The following NADK variants were observed in gnomAD, a reference collection of about 807,000 sequenced individuals.
NADK encodes the protein poly(P)/ATP NAD kinase.
A neutral mutation model predicts 49.8 loss-of-function variants in NADK; 22 were observed. The observed-to-expected ratio is 0.44, with a 90% CI of 0.32 to 0.63. The LOEUF (loss-of-function observed/expected upper bound fraction) is 0.63. NADK is among the 30% of genes least tolerant of loss of function. NADK has a pLI of 0.06. For missense variants in NADK, 438 were observed against 609.4 expected, an observed-to-expected ratio of 0.72 and a Z score of 2.96; for synonymous variants, 268 against 253.7, an observed-to-expected ratio of 1.06 and a Z score of -0.54.
At chr1:1,753,910 G>C in intron 10 of NADK, 141 bp downstream of exon 10, 1 of 1,123,718 alleles carries the variant, frequency 8.9e-7, no homozygotes, top group Non-Finnish European at 1.3e-6. Flanking sequence ...TGCATCTGAG[G>C]GGGCACAGGA....
At chr1:1,765,997 G>A (rs1461705945) in intron 1 of NADK, among the ~76,000 whole-genome samples, 2 of 152,058 alleles carry the variant, frequency 1.3e-5, no homozygotes, top group Non-Finnish European at 2.9e-5. Context: ...GCCAGGTGTG[G>A]TGGCTCATGC....
intron 1 of NADK, among the ~76,000 whole-genome samples, chr1:1,770,748 T>C (rs1038390870): frequency 4.0e-5 from 6 of 151,512 alleles, no homozygotes; most frequent in Non-Finnish European, 7.4e-5. Context: ...ATAATAATAA[T>C]AACAACAATA....
intron 2 of NADK, 33 bp from the exon 3 acceptor site, chr1:1,762,068 G>A (rs766219562): frequency 7.6e-6 from 12 of 1,585,880 alleles, no homozygotes; most frequent in Non-Finnish European, 6.9e-6. Context: ...GAGCCACCAG[G>A]GCCTGAAACC....
At chr1:1,773,900 A>C (rs1336206782) in intron 1 of NADK, among the ~76,000 whole-genome samples, 1 of 151,862 alleles carries the variant, frequency 6.6e-6, no homozygotes, top group East Asian at 1.9e-4. Flanking sequence ...ATGTCCAGCT[A>C]ATTTTTAAAT....
chr1:1,752,514 G>A lies in NADK; in HGVS notation c.*390C>T, dbSNP rs1645356851. 6.0e-6 allele frequency: 1 copy of A among 165,612 alleles called. No homozygotes were observed. The highest frequency in any genetic ancestry group is 1.3e-5 in the Non-Finnish European group (1 of 76,972). The allele number at this position is 165,612 out of a possible 1,614,324, so 10.3% of individuals were successfully genotyped here. ...GGAAAAGCATGGCAGCTCAAGGAAGGTTTTTGGCTGAGACATTTATTATCA... is the reference window on the plus strand; with the variant it reads ...GGAAAAGCATGGCAGCTCAAGGAAGATTTTTGGCTGAGACATTTATTATCA... On this transcript the variant is annotated 3_prime_UTR_variant, in exon 12 of 12. Transcript: ENST00000341426.
chr1:1,778,327 C>A lies in NADK; in HGVS notation c.-79G>T, dbSNP rs1364601138. 3 of 151,178 alleles carry A rather than the reference C, an allele frequency of 2.0e-5. No homozygotes were observed. Among genetic ancestry groups the A allele is most frequent in the Admixed American group, 2.0e-4 (3 of 15,150 alleles). 9.4% of individuals were successfully genotyped at this position (151,178 alleles called of 1,614,324 possible). ...GGGCGCCTGCGGGGGCGTCTACATG[C>A]CGGACCGAGCCCGCAGGCCCCGCCG... On this transcript the variant is annotated 5_prime_UTR_variant, in exon 1 of 12. Transcript: ENST00000341426. This position sits in a 1 kb window ranked among gnomAD's most constrained non-coding sequence, Gnocchi z 4.9.
At chr1:1,773,691 T>C (rs866031574) in intron 1 of NADK, among the ~76,000 whole-genome samples, 66 of 89,028 alleles carry the variant, frequency 7.4e-4, no homozygotes, top group African/African-American at 2.1e-3. Flanking sequence ...TGTGTGTGTG[T>C]GTGTGTGTGT....
intron 10 of NADK, 87 bp from the exon 11 acceptor site, chr1:1,753,736 G>A (rs1348616532): frequency 6.4e-6 from 8 of 1,250,864 alleles, no homozygotes; most frequent in East Asian, 2.5e-5. Context: ...GCCAGAGGTC[G>A]AAGGTTGGGC....
chr1:1,757,149 C>CG, intron 4 of NADK, 32 bp downstream of exon 4: 3 of 1,007,244 alleles, frequency 3.0e-6, no homozygotes, highest in Non-Finnish European at 4.4e-6. Flanking sequence ...TCCATGTGCA[C>CG]CCCAGGCCCC....
Position 1,754,420 on chromosome 1 carries a change from G to A in NADK, c.844-37C>T, listed in dbSNP as rs919536423. 1.9e-6 allele frequency: 3 copies of A among 1,610,128 alleles called. No homozygotes were observed. Among genetic ancestry groups the A allele is most frequent in the Non-Finnish European group, 2.5e-6 (3 of 1,177,054 alleles). On this transcript the variant is annotated intron_variant, in intron 8 of 11. Coordinates refer to ENST00000341426, the MANE Select transcript of NADK (RefSeq NM_023018.5). The surrounding 1 kb of genome is among the most constrained non-coding windows in gnomAD (Gnocchi z 4.3). ...ACAGCATTGCACACTCAGGGCGGGG[G>A]ATGCCGCACGGCTCGCAGACACCCT...
chr1:1,754,791 C>T lies in NADK; in HGVS notation c.689-93G>A. The T allele has an allele frequency of 1.7e-6, 2 of 1,198,050 alleles. No individual in the cohort carries two copies. Among genetic ancestry groups the T allele is most frequent in the Non-Finnish European group, 2.3e-6 (2 of 856,440 alleles). The allele number at this position is 1,198,050 out of a possible 1,614,324, so 74.2% of individuals were successfully genotyped here. On this transcript the variant is annotated intron_variant, in intron 7 of 11. Coordinates refer to ENST00000341426, the MANE Select transcript of NADK (RefSeq NM_023018.5). The surrounding 1 kb of genome is among the most constrained non-coding windows in gnomAD (Gnocchi z 4.3). Reference sequence around the variant, plus strand: ...GGAGGCCAGTGGGAGTCAGAGGGCTCTTTCTTCTCCCAAGTTGACACACTT... The same window carrying T: ...GGAGGCCAGTGGGAGTCAGAGGGCTTTTTCTTCTCCCAAGTTGACACACTT...
chr1:1,758,191 G>T (rs1487859045), intron 3 of NADK, among the ~76,000 whole-genome samples: 4 of 152,186 alleles, frequency 2.6e-5, no homozygotes, highest in Non-Finnish European at 5.9e-5. Context: ...CTAGTTCCAA[G>T]TTGCCCAATC....
chr1:1,772,544 G>A (rs1053622573), intron 1 of NADK, among the ~76,000 whole-genome samples: 1 of 152,116 alleles, frequency 6.6e-6, no homozygotes, highest in African/African-American at 2.4e-5. Context: ...AGGCCGAGGC[G>A]GGAGGATCGC....
At chr1:1,776,774 A>T (rs972160253) in intron 1 of NADK, among the ~76,000 whole-genome samples, 10,347 of 44,166 alleles carry the variant, frequency 0.23, 527 homozygotes, top group Middle Eastern at 0.41. Flanking sequence ...CTCTGTCTTA[A>T]AAAAAAAAAA....
At chr1:1,756,783 A>C in intron 4 of NADK, 175 bp from the exon 5 acceptor site, 1 of 1,138,034 alleles carries the variant, frequency 8.8e-7, no homozygotes, top group Non-Finnish European at 1.3e-6. Flanking sequence ...CAGGACCTTT[A>C]AGAGATGACT....
intron 1 of NADK, among the ~76,000 whole-genome samples, chr1:1,775,644 G>A (rs897816506): frequency 1.3e-5 from 2 of 152,162 alleles, no homozygotes; most frequent in African/African-American, 2.4e-5. Context: ...CAGGGGTCTG[G>A]GCAGTTCTGA....
In NADK at chr1:1,752,206, C is replaced by G. The variant is rs1398204824; in HGVS notation, c.*698G>C. The stretch of plus-strand genomic sequence containing the variant: ...AGCACTTCAGAAAGTTTAAAAGAGT[C>G]TCTAAAAAGTATATACAGGATTTAA... On this transcript the variant is annotated 3_prime_UTR_variant, in exon 12 of 12. Coordinates refer to ENST00000341426, the MANE Select transcript of NADK (RefSeq NM_023018.5). 5.2e-5 allele frequency: 8 copies of G among 152,680 alleles called. No homozygotes were observed. The highest frequency in any genetic ancestry group is 1.4e-4 in the African/African-American group (6 of 41,464). The allele number at this position is 152,680 out of a possible 1,614,324, so 9.5% of individuals were successfully genotyped here.
chr1:1,762,242 T>G (rs1189474826), intron 2 of NADK, among the ~76,000 whole-genome samples: 1 of 152,218 alleles, frequency 6.6e-6, no homozygotes, highest in Non-Finnish European at 1.5e-5. Flanking sequence ...GGAGCACGCA[T>G]GCCCACGCGC....
intron 3 of NADK, among the ~76,000 whole-genome samples, chr1:1,757,951 C>T (rs991795036): frequency 2.6e-5 from 4 of 152,188 alleles, no homozygotes; most frequent in Non-Finnish European, 5.9e-5. Flanking sequence ...GCTCTGACCC[C>T]GACCACTGTG....
Sources: allele counts gnomAD v4.1 joint callset (sites outside exome capture counted in the v4.1 genomes callset), GRCh38; gene constraint gnomAD v4.1.1; non-coding constraint Gnocchi (gnomAD v3.1); transcripts MANE v1.5; gene names NCBI Gene and HGNC (gene_info 2026-07-23, HGNC 2026-07-21).